PRH1: variants seen among roughly 807,000 people sequenced by gnomAD.
PRH1 encodes the protein proline rich protein HaeIII subfamily 1.
Under a neutral mutation model 7.9 loss-of-function variants are expected in PRH1, and 7 were observed. That is an observed-to-expected ratio of 0.89 (90% CI 0.50 to 1.67). PRH1 has a LOEUF of 1.67. Among genes scored for constraint, PRH1 ranks in the 40% most tolerant of loss-of-function variants. The pLI is 0.00. For synonymous variants in PRH1, 45 were observed against 80.8 expected, an observed-to-expected ratio of 0.56 and a Z score of 2.38; for missense variants, 109 against 223.6, an observed-to-expected ratio of 0.49 and a Z score of 3.27.
At chr12:11,057,038 CCT>C (rs1050410112) in intron 1 of PRH1, among the ~76,000 whole-genome samples, 11 of 151,508 alleles carry the variant, frequency 7.3e-5, no homozygotes, top group African/African-American at 2.7e-4. Context: ...ACAGAGTCTC[CCT>C]CTGTTACCCA....
chr12:11,134,621 T>G (rs1015896328), intron 1 of PRH1: 5 of 201,966 alleles, frequency 2.5e-5, no homozygotes, highest in African/African-American at 1.2e-4. Flanking sequence ...TTGTGTAACC[T>G]CTCCATCATT....
Position 11,130,740 on chromosome 12 carries a change from G to C in PRH1, n.40-9560C>G, listed in dbSNP as rs151106751. On this transcript the variant is annotated intron_variant and non_coding_transcript_variant, in intron 1 of 1. Transcript: ENST00000541175. ...AAGACCATTCCCTCTTCAGCAGAGG[G>C]AATGCTGAAGTATACTCTGTCTGAA... Among the ~76,000 whole-genome samples, 874 of 152,276 alleles carry C rather than the reference G, an allele frequency of 5.7e-3. 14 individuals carry two copies. Among genetic ancestry groups the C allele is most frequent in the African/African-American group, 0.02 (836 of 41,552 alleles).
At chr12:11,144,989 T>C (rs964321481) in intron 1 of PRH1, among the ~76,000 whole-genome samples, 20 of 152,210 alleles carry the variant, frequency 1.3e-4, no homozygotes, top group Non-Finnish European at 2.4e-4. Context: ...TCAGAGGATC[T>C]GTGGGTCCTC....
chr12:10,927,789 G>A (rs549314576), intron 2 of PRH1, among the ~76,000 whole-genome samples: 2 of 152,228 alleles, frequency 1.3e-5, no homozygotes, highest in Admixed American at 1.3e-4. Flanking sequence ...AACACTAGCC[G>A]TGCACAAAAA....
At chr12:11,166,067 T>G (rs1454095223) in intron 1 of PRH1, 3 of 152,278 alleles carry the variant, frequency 2.0e-5, no homozygotes, top group Non-Finnish European at 4.4e-5. Flanking sequence ...AAAAACTGCC[T>G]AAAATCAGTG....
At chr12:10,931,025 G>T (rs182454844) in intron 2 of PRH1, 178 of 1,591,264 alleles carry the variant, frequency 1.1e-4, no homozygotes, top group Non-Finnish European at 1.4e-4. Context: ...CAAGGGGGCC[G>T]CCCACAAGGA....
rs150448607 is a variant in PRH1, at chr12:10,997,059, A to G, written c.-125-23338T>C. 6.0e-5 allele frequency: 97 copies of G among 1,614,080 alleles called. No homozygotes were observed. The East Asian group carries it at 1.8e-3, about 30-fold the overall frequency. On this transcript the variant is annotated intron_variant, in intron 1 of 3. Coordinates refer to the PRH1 transcript ENST00000539853. ...CAAATCAGAATGAATGAGTGGAATG[A>G]TGGATATATGATTCCAAAAGCTTGG...
intron 1 of PRH1, among the ~76,000 whole-genome samples, chr12:11,075,091 A>ACTG (rs1243036128): frequency 1.5e-4 from 21 of 136,546 alleles, no homozygotes; most frequent in African/African-American, 4.9e-4. Flanking sequence ...AAACTCAGAC[A>ACTG]CTGGCTCTAG....
At chr12:11,169,227 T>C (rs1168909125) in intron 1 of PRH1, among the ~76,000 whole-genome samples, 1 of 152,186 alleles carries the variant, frequency 6.6e-6, no homozygotes, top group East Asian at 1.9e-4. Context: ...AATACTCTAA[T>C]CATGAATTCT....
chr12:11,110,301 T>C (rs1013979790), intron 1 of PRH1, among the ~76,000 whole-genome samples: 4 of 152,062 alleles, frequency 2.6e-5, no homozygotes, highest in Non-Finnish European at 5.9e-5. Context: ...AACATTCAAA[T>C]TCAGGGAATA....
chr12:10,956,822 A>C (rs201466212), intron 2 of PRH1, among the ~76,000 whole-genome samples: 9 of 152,164 alleles, frequency 5.9e-5, no homozygotes, highest in African/African-American at 1.4e-4. Context: ...CAATAGTCCC[A>C]AAAAATAAAA....
At chr12:11,060,329 A>G (rs1047926547) in intron 1 of PRH1, among the ~76,000 whole-genome samples, 1 of 134,394 alleles carries the variant, frequency 7.4e-6, no homozygotes, top group Non-Finnish European at 1.7e-5. Context: ...ATTTACAAAA[A>G]TTTCATTGAT....
chr12:10,900,160 G>A (rs1949703851), intron 2 of PRH1, among the ~76,000 whole-genome samples: 1 of 152,150 alleles, frequency 6.6e-6, no homozygotes, highest in South Asian at 2.1e-4. Flanking sequence ...AGTTAAAAAA[G>A]TGAATGAAGC....
At chr12:11,011,380 C>T (rs1346443257) in intron 1 of PRH1, among the ~76,000 whole-genome samples, 4 of 152,016 alleles carry the variant, frequency 2.6e-5, no homozygotes, top group African/African-American at 7.2e-5. Flanking sequence ...ACAATAATTC[C>T]CAAAACAGCT....
At chr12:11,019,720 T>G (rs1464567697) in intron 1 of PRH1, among the ~76,000 whole-genome samples, 3 of 152,298 alleles carry the variant, frequency 2.0e-5, no homozygotes, top group Non-Finnish European at 4.4e-5. Flanking sequence ...TTGCAAAGTT[T>G]GCTAGCTTTT....
At chr12:11,061,229 G>T in intron 1 of PRH1, 1 of 1,304,692 alleles carries the variant, frequency 7.7e-7, no homozygotes, top group Non-Finnish European at 1.0e-6. Context: ...CTAACGTTAG[G>T]TAAAAGACTT....
intron 2 of PRH1, chr12:10,973,575 T>C (rs1485193761): frequency 1.4e-6 from 1 of 709,642 alleles, no homozygotes; most frequent in African/African-American, 1.8e-5. Flanking sequence ...TGCTTGCAAT[T>C]TCACCTGTCT....
rs1424743342 is a variant in PRH1, at chr12:11,088,817, C to T, written n.124-41629G>A. Among the ~76,000 whole-genome samples the T allele has an allele frequency of 2.1e-5, 2 of 94,906 alleles. 1 individual carries two copies. The highest frequency in any genetic ancestry group is 5.2e-5 in the Non-Finnish European group (2 of 38,620). The allele number at this position is 94,906 out of a possible 152,430, so 62.3% of individuals were successfully genotyped here. A position where few individuals can be genotyped will look rare whatever the true frequency, so the allele number is the denominator to read the frequency against. ...AGGATTCAAAGATGCTAGAAACATA[C>T]ATAGTGGTCATTATAGGACTCTGTG... is the stretch of plus-strand genomic sequence containing the variant. On this transcript the variant is annotated intron_variant and non_coding_transcript_variant, in intron 1 of 4. Transcript: ENST00000541977.
intron 1 of PRH1, among the ~76,000 whole-genome samples, chr12:11,038,687 G>A (rs1408699760): frequency 1.3e-5 from 2 of 152,196 alleles, no homozygotes; most frequent in African/African-American, 4.8e-5. Flanking sequence ...TTCATTTGGA[G>A]GACTGATAGA....
Sources: allele counts gnomAD v4.1 joint callset (sites outside exome capture counted in the v4.1 genomes callset), GRCh38; gene constraint gnomAD v4.1.1; transcripts MANE v1.5; gene names NCBI Gene and HGNC (gene_info 2026-07-23, HGNC 2026-07-21).